The following FAM168A variants were observed in gnomAD, a reference collection of about 807,000 sequenced individuals.
FAM168A encodes the protein protein FAM168A.
A neutral mutation model predicts 28.5 loss-of-function variants in FAM168A; 3 were observed. The ratio of observed to expected loss-of-function variants is 0.11; its 90% CI spans 0.05 to 0.27. The LOEUF (loss-of-function observed/expected upper bound fraction) is 0.27, where lower values mean the gene tolerates loss of function less well. FAM168A is among the 10% of genes least tolerant of loss of function. FAM168A has a pLI of 1.00. For synonymous variants in FAM168A, 122 were observed against 124.2 expected, an observed-to-expected ratio of 0.98 and a Z score of 0.12; for missense variants, 222 against 311.5, an observed-to-expected ratio of 0.71 and a Z score of 2.16.
chr11:73,431,328 C>T (rs1361767825), intron 2 of FAM168A, among the ~76,000 whole-genome samples: 1 of 152,024 alleles, frequency 6.6e-6, no homozygotes, highest in Non-Finnish European at 1.5e-5. Context: ...GGCGACAGAG[C>T]AAGACTCCAT....
chr11:73,417,402 C>T (rs1023532120), intron 4 of FAM168A, among the ~76,000 whole-genome samples: 4 of 152,200 alleles, frequency 2.6e-5, no homozygotes, highest in African/African-American at 7.2e-5. Context: ...TTCTGCTACA[C>T]TACAGTAGGT....
At chr11:73,570,743 A>C (rs1944076465) in intron 1 of FAM168A, among the ~76,000 whole-genome samples, 1 of 152,008 alleles carries the variant, frequency 6.6e-6, no homozygotes, top group African/African-American at 2.4e-5. Flanking sequence ...CAAAAAAAAA[A>C]AAAGACAAGA....
intron 1 of FAM168A, among the ~76,000 whole-genome samples, chr11:73,479,430 CAG>C (rs748478823): frequency 1.3e-5 from 2 of 151,988 alleles, no homozygotes; most frequent in African/African-American, 2.4e-5. Context: ...AGGAATTCTA[CAG>C]AGAGAGGAGG....
At chr11:73,445,453 A>G (rs1304677392) in intron 2 of FAM168A, among the ~76,000 whole-genome samples, 2 of 68,422 alleles carry the variant, frequency 2.9e-5, no homozygotes, top group Non-Finnish European at 5.1e-5. Context: ...TTTTTTTGGT[A>G]GAGACAGGGT....
At chr11:73,437,662 AT>A (rs893999613) in intron 2 of FAM168A, among the ~76,000 whole-genome samples, 6 of 151,526 alleles carry the variant, frequency 4.0e-5, no homozygotes, top group Admixed American at 1.3e-4. Context: ...TACCCTGAAC[AT>A]TTTTTCAGCC....
chr11:73,512,683 T>G (rs1855247963), intron 1 of FAM168A, among the ~76,000 whole-genome samples: 1 of 152,052 alleles, frequency 6.6e-6, no homozygotes, highest in Non-Finnish European at 1.5e-5. Context: ...TTAAAATCTG[T>G]GCTTTTAACC....
chr11:73,492,813 G>A (rs1468305812), intron 1 of FAM168A, among the ~76,000 whole-genome samples: 1 of 152,098 alleles, frequency 6.6e-6, no homozygotes, highest in East Asian at 1.9e-4. Context: ...AAATCCTGGT[G>A]GCAATGGAAC....
At chr11:73,584,008 C>T (rs954829939) in intron 1 of FAM168A, among the ~76,000 whole-genome samples, 1 of 152,082 alleles carries the variant, frequency 6.6e-6, no homozygotes, top group Non-Finnish European at 1.5e-5. Context: ...GTTGGTTTTT[C>T]CCTTCATAAT....
chr11:73,455,617 T>C (rs1271557327), intron 2 of FAM168A, among the ~76,000 whole-genome samples: 2 of 152,222 alleles, frequency 1.3e-5, no homozygotes, highest in Non-Finnish European at 2.9e-5. Flanking sequence ...GGAGAGTCTA[T>C]GGAGGTACCA....
chr11:73,440,040 C>T (rs887254056), intron 2 of FAM168A, among the ~76,000 whole-genome samples: 4 of 152,068 alleles, frequency 2.6e-5, no homozygotes, highest in Non-Finnish European at 4.4e-5. Context: ...CGCCTGCCAC[C>T]GCGCCCAGCT....
At chr11:73,494,090 A>G (rs1369702294) in intron 1 of FAM168A, among the ~76,000 whole-genome samples, 1 of 152,086 alleles carries the variant, frequency 6.6e-6, no homozygotes, top group African/African-American at 2.4e-5. Flanking sequence ...ACACCAAGAC[A>G]TGTACATTAT....
intron 2 of FAM168A, among the ~76,000 whole-genome samples, chr11:73,465,098 GACTACAAACCAACC>G (rs1867714327): frequency 6.6e-6 from 1 of 151,278 alleles, no homozygotes; most frequent in Admixed American, 6.6e-5. Context: ...CATTTTCACC[GACTACAAACCAACC>G]ATCTGTATAG....
chr11:73,493,112 C>T (rs1854792533), intron 1 of FAM168A, among the ~76,000 whole-genome samples: 1 of 151,738 alleles, frequency 6.6e-6, no homozygotes. Flanking sequence ...CACCAAACTT[C>T]AGCAACATGC....
intron 1 of FAM168A, among the ~76,000 whole-genome samples, chr11:73,549,476 T>C (rs1373615393): frequency 6.6e-6 from 1 of 152,232 alleles, no homozygotes; most frequent in African/African-American, 2.4e-5. Flanking sequence ...TGGTGACTAC[T>C]GTATTGGACA....
At chr11:73,495,261 A>G (rs1408144729) in intron 1 of FAM168A, among the ~76,000 whole-genome samples, 1 of 152,122 alleles carries the variant, frequency 6.6e-6, no homozygotes, top group African/African-American at 2.4e-5. Flanking sequence ...CCCAGGAGGC[A>G]GAGCTTGCAG....
At chr11:73,451,965 T>C (rs1175961301) in intron 2 of FAM168A, 1 of 152,246 alleles carries the variant, frequency 6.6e-6, no homozygotes, top group Middle Eastern at 3.2e-3. Context: ...TCATCTTTCT[T>C]GATTTGTGTC....
chr11:73,534,616 T>C (rs1453305014), intron 1 of FAM168A, among the ~76,000 whole-genome samples: 3 of 152,040 alleles, frequency 2.0e-5, no homozygotes, highest in Non-Finnish European at 4.4e-5. Context: ...TTGGCCAGGC[T>C]GGTCTCGAAC....
chr11:73,411,292 AC>A, intron 5 of FAM168A, 101 bp downstream of exon 5: 1 of 1,348,644 alleles, frequency 7.4e-7, no homozygotes, highest in Non-Finnish European at 1.0e-6. Flanking sequence ...AGAGCCACAA[AC>A]CATCCTCTCC....
At chr11:73,437,996 C>T (rs1347329318) in intron 2 of FAM168A, among the ~76,000 whole-genome samples, 2 of 152,104 alleles carry the variant, frequency 1.3e-5, no homozygotes, top group Non-Finnish European at 2.9e-5. Context: ...GTTGATTCCT[C>T]TGCTGATAGT....
Sources: gnomAD v4.1 joint callset for allele counts (sites outside exome capture counted in the v4.1 genomes callset) on GRCh38, gnomAD v4.1.1 for gene constraint, MANE v1.5 for transcripts, NCBI Gene and HGNC (gene_info 2026-07-23, HGNC 2026-07-21) for gene names.